RASAL2: variants seen among roughly 807,000 people sequenced by gnomAD.
RASAL2 encodes ras GTPase-activating protein nGAP.
RASAL2 carries 58 observed loss-of-function variants against 128.9 expected under a neutral mutation model. That is an observed-to-expected ratio of 0.45 (90% CI 0.36 to 0.56). RASAL2 has a LOEUF of 0.56. Ranked by LOEUF, RASAL2 falls within the 20% of genes least tolerant of loss-of-function variation. The pLI, the probability that RASAL2 is intolerant of heterozygous loss-of-function variation, is 0.00. For missense variants in RASAL2, 1,360 were observed against 1,601.6 expected (o/e 0.85, Z 2.57); for synonymous variants, 561 against 580.8 (o/e 0.97, Z 0.49).
At chr1:178,341,634 G>T (rs1172914088) in intron 3 of RASAL2, 4 of 1,613,594 alleles carry the variant, frequency 2.5e-6, no homozygotes, top group South Asian at 1.1e-5. Context: ...GTCTGAGACC[G>T]AAATGAAAAG....
In RASAL2 at chr1:178,455,309, G is replaced by A. The variant is rs148038536; in HGVS notation, c.2211+661G>A. Among the ~76,000 whole-genome samples the A allele has an allele frequency of 2.4e-4, 36 of 152,262 alleles. No individual in the cohort carries two copies. The East Asian group carries it at 4.6e-3, about 20-fold the overall frequency. On this transcript the variant is annotated intron_variant, in intron 12 of 17. Transcript: ENST00000367649. ...GGTAGTAAAAAATAGTCTAAAAGAC[G>A]TTGGCTAGGCTTATTACAATAATTA...
chr1:178,402,724 A>G (rs1432965506), intron 4 of RASAL2, among the ~76,000 whole-genome samples: 1 of 152,178 alleles, frequency 6.6e-6, no homozygotes, highest in East Asian at 1.9e-4. Context: ...TTGTTTCAAC[A>G]GAGGCAGTAA....
chr1:178,443,355 T>C, intron 8 of RASAL2, 126 bp downstream of exon 8: 4 of 882,618 alleles, frequency 4.5e-6, no homozygotes, highest in Non-Finnish European at 6.6e-6. Flanking sequence ...CAAGAAGAAT[T>C]AAGAAGAAAA....
intron 1 of RASAL2, among the ~76,000 whole-genome samples, chr1:178,242,187 C>A (rs623225): frequency 0.68 from 104,080 of 151,970 alleles, 37,969 homozygotes; most frequent in East Asian, 0.8. Flanking sequence ...CACCCTCTGC[C>A]TTCCCCACTT....
At chr1:178,128,701 C>G (rs933270968) in intron 1 of RASAL2, among the ~76,000 whole-genome samples, 3 of 152,114 alleles carry the variant, frequency 2.0e-5, no homozygotes, top group Admixed American at 1.3e-4. Flanking sequence ...AATTCCCACT[C>G]CCAGCCCTAG....
chr1:178,094,689 T>C lies in RASAL2; in HGVS notation c.197T>C (p.Val66Ala). ...TGCCAGCAACAGAGCTGGGTCCGGG[T>C]GTACGGTAAGGACCACAGGCCGTCT... The part of the protein sequence containing the change: ...SVCQQQSWVR[V>A]YDVKGPPTHR... Residue 66 changes from valine to alanine, a missense_variant, in exon 1 of 18, where the codon GTG (valine) becomes GCG (alanine). By Grantham distance (64) the Val-to-Ala change is moderately conservative. Transcript: ENST00000367649. 1 of 1,614,032 alleles carries C rather than the reference T, an allele frequency of 6.2e-7. No individual in the cohort carries two copies. Among genetic ancestry groups the C allele is most frequent in the East Asian group, 2.2e-5 (1 of 44,876 alleles).
At chr1:178,411,622 C>A in intron 4 of RASAL2, 1 of 762,312 alleles carries the variant, frequency 1.3e-6, no homozygotes. Context: ...CTTCAGGTGG[C>A]TGAAGGAGAG....
intron 1 of RASAL2, among the ~76,000 whole-genome samples, chr1:178,267,092 A>G (rs532422726): frequency 3.9e-5 from 6 of 152,268 alleles, no homozygotes; most frequent in East Asian, 1.9e-4. Context: ...TTCCTCTCCT[A>G]TCTGCCTAAA....
intron 4 of RASAL2, among the ~76,000 whole-genome samples, chr1:178,392,649 C>T (rs570770884): frequency 1.3e-5 from 2 of 152,200 alleles, no homozygotes; most frequent in East Asian, 3.9e-4. Context: ...TTTCCTCTTG[C>T]TGTCACTATT....
chr1:178,247,295 C>G (rs1664809780), intron 1 of RASAL2, among the ~76,000 whole-genome samples: 1 of 151,922 alleles, frequency 6.6e-6, no homozygotes, highest in African/African-American at 2.4e-5. Context: ...TTAGTCTTGG[C>G]AGGGTGTGTG....
intron 3 of RASAL2, among the ~76,000 whole-genome samples, chr1:178,309,167 A>G (rs1471202736): frequency 1.3e-5 from 2 of 152,174 alleles, no homozygotes; most frequent in African/African-American, 4.8e-5. Flanking sequence ...CAAAATCTTT[A>G]TAAAAAATAA....
intron 1 of RASAL2, among the ~76,000 whole-genome samples, chr1:178,169,760 G>C (rs919691689): frequency 1.3e-5 from 2 of 151,962 alleles, no homozygotes; most frequent in Non-Finnish European, 2.9e-5. Context: ...TAAAATGAAG[G>C]CTGTGGTATT....
Position 178,266,332 on chromosome 1 carries a change from T to A in RASAL2, c.203-17232T>A, listed in dbSNP as rs1247737584. On this transcript the variant is annotated intron_variant, in intron 1 of 17. Coordinates refer to ENST00000367649, the MANE Select transcript of RASAL2 (RefSeq NM_170692.4). ...TGCATTTCCCTGATGAGTAATGAAG[T>A]TGAGCATCTTTTTACATGTTAAATG... is the stretch of plus-strand genomic sequence containing the variant. 2.0e-5 allele frequency among the ~76,000 whole-genome samples: 3 copies of A among 152,238 alleles called. No individual in the cohort carries two copies. The East Asian group carries it at 5.8e-4, about 29-fold the overall frequency.
intron 7 of RASAL2, among the ~76,000 whole-genome samples, chr1:178,442,434 A>C (rs1676718021): frequency 6.6e-6 from 1 of 152,056 alleles, no homozygotes; most frequent in Non-Finnish European, 1.5e-5. Flanking sequence ...TTCTTAACCC[A>C]AGTAAATAAA....
At chr1:178,330,631 C>T (rs1669251968) in intron 3 of RASAL2, among the ~76,000 whole-genome samples, 3 of 152,020 alleles carry the variant, frequency 2.0e-5, no homozygotes, top group Admixed American at 2.0e-4. Context: ...AAGAATTAAA[C>T]ATTTCTGTAA....
chr1:178,245,463 C>T (rs961943349), intron 1 of RASAL2, among the ~76,000 whole-genome samples: 3 of 152,046 alleles, frequency 2.0e-5, no homozygotes, highest in African/African-American at 7.2e-5. Context: ...CTTGTAGATT[C>T]TGGGTATCAG....
intron 1 of RASAL2, among the ~76,000 whole-genome samples, chr1:178,104,347 C>CTGTTAGATT (rs1659013608): frequency 1.3e-5 from 2 of 152,062 alleles, no homozygotes; most frequent in South Asian, 4.1e-4. Flanking sequence ...TATTCATGTG[C>CTGTTAGATT]CAGTATCACA....
intron 1 of RASAL2, among the ~76,000 whole-genome samples, chr1:178,120,477 A>T (rs928950401): frequency 2.0e-5 from 3 of 152,218 alleles, no homozygotes; most frequent in African/African-American, 7.2e-5. Context: ...TAAAATAATG[A>T]TGGGCTACAC....
At chr1:178,350,818 T>A (rs574904629) in intron 3 of RASAL2, among the ~76,000 whole-genome samples, 10 of 152,280 alleles carry the variant, frequency 6.6e-5, no homozygotes, top group Non-Finnish European at 1.3e-4. Context: ...TCAAAGCCAG[T>A]GAGAGAATCT....
Sources: gnomAD v4.1 joint callset for allele counts (sites outside exome capture counted in the v4.1 genomes callset) on GRCh38, gnomAD v4.1.1 for gene constraint, MANE v1.5 for transcripts, NCBI Gene and HGNC (gene_info 2026-07-23, HGNC 2026-07-21) for gene names.